The following GXYLT1 variants were observed in gnomAD, a reference collection of about 807,000 sequenced individuals.
GXYLT1 encodes the protein glycosyltransferase 8 domain containing 3.
GXYLT1 carries 29 observed loss-of-function variants against 54.0 expected under a neutral mutation model. The ratio of observed to expected loss-of-function variants is 0.54; its 90% CI spans 0.40 to 0.73. The LOEUF (loss-of-function observed/expected upper bound fraction) is 0.73. Among genes scored for constraint, GXYLT1 ranks in the 30% least tolerant of loss-of-function variants. GXYLT1 has a pLI of 0.00. For synonymous variants in GXYLT1, 176 were observed against 204.1 expected (o/e 0.86, Z 1.17); for missense variants, 490 against 553.4 (o/e 0.89, Z 1.15).
At chr12:42,142,635 A>T (rs1301546371) in intron 1 of GXYLT1, among the ~76,000 whole-genome samples, 1 of 152,088 alleles carries the variant, frequency 6.6e-6, no homozygotes, top group Non-Finnish European at 1.5e-5. Context: ...TGAGCTACCG[A>T]GCGTTGCCAA....
Position 42,144,859 on chromosome 12 carries a change from C to T in GXYLT1, c.-213G>A. On this transcript the variant is annotated 5_prime_UTR_variant, in exon 1 of 8. Coordinates refer to ENST00000398675, the MANE Select transcript of GXYLT1 (RefSeq NM_173601.2). ...AGCCGAAGGACTACCCGCCCGGAAG[C>T]CTGGACACCGCCTCTGCCGCCGCGC... 1 of 343,102 alleles carries T rather than the reference C, an allele frequency of 2.9e-6. No individual in the cohort carries two copies. The highest frequency in any genetic ancestry group is 4.9e-5 in the Admixed American group (1 of 20,218). 21.3% of individuals were successfully genotyped at this position (343,102 alleles called of 1,614,324 possible).
intron 1 of GXYLT1, among the ~76,000 whole-genome samples, chr12:42,133,621 A>C (rs1338023616): frequency 6.6e-6 from 1 of 152,122 alleles, no homozygotes; most frequent in Admixed American, 6.6e-5. Flanking sequence ...TCCCCAACTC[A>C]CAGAAAACTA....
chr12:42,126,232 C>T (rs532479713), intron 2 of GXYLT1, among the ~76,000 whole-genome samples: 53 of 152,194 alleles, frequency 3.5e-4, no homozygotes, highest in African/African-American at 1.3e-3. Context: ...CGCCACCATG[C>T]CTGGCTAATT....
chr12:42,132,788 T>TG (rs1049024587), intron 1 of GXYLT1, among the ~76,000 whole-genome samples: 4 of 152,060 alleles, frequency 2.6e-5, no homozygotes, highest in African/African-American at 9.7e-5. Flanking sequence ...TGTTTTGTTT[T>TG]TTTTTTTAAG....
intron 3 of GXYLT1, among the ~76,000 whole-genome samples, chr12:42,110,956 T>C (rs990171676): frequency 2.0e-5 from 3 of 152,220 alleles, no homozygotes; most frequent in Non-Finnish European, 4.4e-5. Context: ...TTCAAAAATA[T>C]AGTATATGTT....
At chr12:42,143,351 A>G (rs1442427414) in intron 1 of GXYLT1, among the ~76,000 whole-genome samples, 2 of 152,134 alleles carry the variant, frequency 1.3e-5, no homozygotes, top group Non-Finnish European at 2.9e-5. Context: ...GAGGGTCCTG[A>G]TGTAGGAATT....
intron 1 of GXYLT1, among the ~76,000 whole-genome samples, chr12:42,144,081 G>A (rs1157525218): frequency 6.6e-6 from 1 of 152,162 alleles, no homozygotes; most frequent in Non-Finnish European, 1.5e-5. Context: ...GAACTCCACT[G>A]AAACAAGAGG....
intron 2 of GXYLT1, among the ~76,000 whole-genome samples, chr12:42,121,005 G>A (rs777201993): frequency 2.0e-5 from 3 of 152,080 alleles, no homozygotes; most frequent in Non-Finnish European, 2.9e-5. Context: ...CTCTTTCTAC[G>A]TCTATAAAGA....
intron 4 of GXYLT1, among the ~76,000 whole-genome samples, chr12:42,108,322 T>C (rs2065432488): frequency 6.6e-6 from 1 of 152,218 alleles, no homozygotes; most frequent in South Asian, 2.1e-4. Context: ...CTTTCATCTC[T>C]TATTGTTTTT....
intron 1 of GXYLT1, among the ~76,000 whole-genome samples, chr12:42,143,079 A>G (rs2065660888): frequency 6.6e-6 from 1 of 152,216 alleles, no homozygotes; most frequent in Non-Finnish European, 1.5e-5. Context: ...AAGCAAACAA[A>G]ATTTGTAAAT....
intron 4 of GXYLT1, 43 bp downstream of exon 4, chr12:42,109,523 T>TAA (rs201861073): frequency 1.3e-3 from 1,477 of 1,129,460 alleles, no homozygotes; most frequent in Middle Eastern, 2.5e-3. Context: ...GGTTCAAATT[T>TAA]AAAAAAAAAA....
intron 1 of GXYLT1, among the ~76,000 whole-genome samples, chr12:42,140,369 AT>A (rs2065645327): frequency 1.3e-5 from 2 of 151,966 alleles, no homozygotes; most frequent in African/African-American, 4.8e-5. Flanking sequence ...AATGACCAGA[AT>A]TTTTCCCAGA....
At chr12:42,103,319 A>G (rs1409849207) in intron 5 of GXYLT1, among the ~76,000 whole-genome samples, 3 of 152,176 alleles carry the variant, frequency 2.0e-5, no homozygotes, top group Non-Finnish European at 4.4e-5. Context: ...AACAGCCACA[A>G]GTAGTAAGAA....
intron 4 of GXYLT1, among the ~76,000 whole-genome samples, chr12:42,109,158 C>T (rs553553750): frequency 2.6e-4 from 40 of 152,252 alleles, no homozygotes; most frequent in Non-Finnish European, 4.3e-4. Context: ...ACACAAATTG[C>T]TATTTAATGA....
intron 2 of GXYLT1, among the ~76,000 whole-genome samples, chr12:42,126,069 G>A (rs1479208753): frequency 1.4e-5 from 2 of 147,144 alleles, no homozygotes; most frequent in South Asian, 2.1e-4. Context: ...AAAACCAGTA[G>A]GAACTTTTTT....
At position 42,083,900 on chromosome 12, in the gene GXYLT1, T is replaced by C. The variant is rs975017737; in HGVS notation, c.*3886A>G. The C allele has an allele frequency of 3.9e-5, 6 of 152,070 alleles. No homozygotes were observed. The highest frequency in any genetic ancestry group is 7.4e-5 in the Non-Finnish European group (5 of 68,018). The allele number at this position is 152,070 out of a possible 1,614,324, so 9.4% of individuals were successfully genotyped here. A position where few individuals can be genotyped will look rare whatever the true frequency, so the allele number is the denominator to read the frequency against. On this transcript the variant is annotated 3_prime_UTR_variant, in exon 8 of 8. Coordinates refer to ENST00000398675, the MANE Select transcript of GXYLT1 (RefSeq NM_173601.2). Reference sequence around the variant, plus strand: ...GTAGTTAGTCTTGCAGTCTAACACTTGGGATGGCTAAAACAATAAAGTTAA... The same window carrying C: ...GTAGTTAGTCTTGCAGTCTAACACTCGGGATGGCTAAAACAATAAAGTTAA...
At chr12:42,113,499 A>G (rs146026869) in intron 3 of GXYLT1, among the ~76,000 whole-genome samples, 2,334 of 151,222 alleles carry the variant, frequency 0.015, 157 homozygotes, top group East Asian at 0.1. Context: ...CTGATAAAAC[A>G]GACTTTAAAC....
At chr12:42,095,434 A>T (rs1292498627) in intron 7 of GXYLT1, among the ~76,000 whole-genome samples, 2 of 148,278 alleles carry the variant, frequency 1.3e-5, no homozygotes, top group Non-Finnish European at 3.0e-5. Context: ...CATACAGTTT[A>T]AAAAAAAAAA....
intron 1 of GXYLT1, among the ~76,000 whole-genome samples, chr12:42,138,182 G>A (rs185832596): frequency 2.6e-5 from 4 of 152,284 alleles, no homozygotes; most frequent in East Asian, 1.9e-4. Flanking sequence ...CAGAAGAATC[G>A]CTTGAACCCA....
Sources: gnomAD v4.1 joint callset for allele counts (sites outside exome capture counted in the v4.1 genomes callset) on GRCh38, gnomAD v4.1.1 for gene constraint, MANE v1.5 for transcripts, NCBI Gene and HGNC (gene_info 2026-07-23, HGNC 2026-07-21) for gene names.